The following STAU2 variants were observed in gnomAD, a reference collection of about 807,000 sequenced individuals.
STAU2 encodes the protein staufen double-stranded RNA binding protein 2, also known as double-stranded RNA-binding protein Staufen homolog 2.
In STAU2, 20 loss-of-function variants were observed where a neutral mutation model predicts 65.9. That is an observed-to-expected ratio of 0.30 (90% CI 0.21 to 0.44). The LOEUF (loss-of-function observed/expected upper bound fraction) is 0.44. STAU2 is among the 20% of genes least tolerant of loss of function. The pLI is 1.00. For missense variants in STAU2, 558 were observed against 683.9 expected (o/e 0.82, Z 2.05); for synonymous variants, 232 against 233.9 (o/e 0.99, Z 0.07).
At chr8:73,635,669 T>G (rs1441199453) in intron 6 of STAU2, among the ~76,000 whole-genome samples, 1 of 151,632 alleles carries the variant, frequency 6.6e-6, no homozygotes, top group Non-Finnish European at 1.5e-5. Context: ...TATTAAAAAT[T>G]TAAAAATTAG....
At position 73,655,940 on chromosome 8, in the gene STAU2, G is replaced by A. The variant is rs560935765; in HGVS notation, c.410+17167C>T. Among the ~76,000 whole-genome samples, 24 of 151,310 alleles carry A rather than the reference G, an allele frequency of 1.6e-4. No individual in the cohort carries two copies. The South Asian group carries it at 3.6e-3, about 23-fold the overall frequency. Reference sequence around the variant, plus strand: ...TGGGATTACAGGCATGAGCCACTGCGCTGGGCTAATTTTTTTGTATTTTTA... The same window carrying A: ...TGGGATTACAGGCATGAGCCACTGCACTGGGCTAATTTTTTTGTATTTTTA... On this transcript the variant is annotated intron_variant, in intron 6 of 14. Coordinates refer to ENST00000524300, the MANE Select transcript of STAU2 (RefSeq NM_001164380.2).
In STAU2 at chr8:73,715,123, T is replaced by C. The variant is rs142853966; in HGVS notation, c.-17-5961A>G. 1.6e-4 allele frequency among the ~76,000 whole-genome samples: 24 copies of C among 148,264 alleles called. No homozygotes were observed. In the East Asian group the frequency reaches 4.1e-3, roughly 26 times the overall value. On this transcript the variant is annotated intron_variant, in intron 3 of 14. Transcript: ENST00000524300. The stretch of plus-strand genomic sequence containing the variant: ...AGTGAAGACAAACTGTTAACATTCA[T>C]AAAATAAAAAGATACTATAAATCAA...
chr8:73,432,702 T>G (rs1254405264), intron 13 of STAU2, among the ~76,000 whole-genome samples: 1 of 152,238 alleles, frequency 6.6e-6, no homozygotes, highest in Non-Finnish European at 1.5e-5. Context: ...CTTGCTGCCC[T>G]GTTTTCTAAT....
chr8:73,617,892 T>C (rs1812952213), intron 6 of STAU2, among the ~76,000 whole-genome samples: 1 of 152,140 alleles, frequency 6.6e-6, no homozygotes, highest in Non-Finnish European at 1.5e-5. Context: ...CCGACTACAA[T>C]GCAAAGTAAT....
At position 73,504,724 on chromosome 8, in the gene STAU2, C is replaced by A. The variant is rs564551700; in HGVS notation, c.1530+47288G>T. On this transcript the variant is annotated intron_variant, in intron 13 of 14. Coordinates refer to ENST00000524300, the MANE Select transcript of STAU2 (RefSeq NM_001164380.2). ...TGATCAGCTGATTTGAAAAAAAAAACAAAACTTGTTTTTCCTAGTGAGGAT... is the reference window on the plus strand; with the variant it reads ...TGATCAGCTGATTTGAAAAAAAAAAAAAAACTTGTTTTTCCTAGTGAGGAT... Among the ~76,000 whole-genome samples the A allele has an allele frequency of 1.5e-3, 232 of 150,668 alleles. 4 individuals carry two copies. In the East Asian group the frequency reaches 0.02, roughly 13 times the overall value.
intron 6 of STAU2, among the ~76,000 whole-genome samples, chr8:73,657,795 C>G (rs1324316787): frequency 6.6e-6 from 1 of 151,996 alleles, no homozygotes; most frequent in Non-Finnish European, 1.5e-5. Context: ...AGGCAGATCA[C>G]CTGAGGTCAG....
At chr8:73,704,989 T>C (rs992073998) in intron 4 of STAU2, among the ~76,000 whole-genome samples, 1 of 152,194 alleles carries the variant, frequency 6.6e-6, no homozygotes, top group Non-Finnish European at 1.5e-5. Flanking sequence ...TAATGAATGT[T>C]ATGAGACAAA....
intron 13 of STAU2, among the ~76,000 whole-genome samples, chr8:73,487,210 T>C (rs1820962681): frequency 6.6e-6 from 1 of 151,962 alleles, no homozygotes; most frequent in South Asian, 2.1e-4. Flanking sequence ...GTTAGGAAAA[T>C]GATGCAAAGA....
intron 6 of STAU2, chr8:73,669,164 T>C (rs1353471712): frequency 1.9e-5 from 13 of 697,930 alleles, no homozygotes; most frequent in South Asian, 1.5e-4. Flanking sequence ...TACTGAGTAA[T>C]GGTTAGGTCT....
chr8:73,443,643 G>A (rs1019522273), intron 13 of STAU2, among the ~76,000 whole-genome samples: 1 of 152,158 alleles, frequency 6.6e-6, no homozygotes, highest in African/African-American at 2.4e-5. Flanking sequence ...CTTGAGGCCA[G>A]GAGTTTGAGA....
chr8:73,433,950 G>C (rs1817508848), intron 13 of STAU2, among the ~76,000 whole-genome samples: 1 of 151,864 alleles, frequency 6.6e-6, no homozygotes, highest in Non-Finnish European at 1.5e-5. Flanking sequence ...CGCCCCAGAT[G>C]CCCACGTCCT....
At chr8:73,714,782 T>G (rs1432321427) in intron 3 of STAU2, among the ~76,000 whole-genome samples, 1 of 151,998 alleles carries the variant, frequency 6.6e-6, no homozygotes, top group Admixed American at 6.6e-5. Flanking sequence ...GAAGAAATAC[T>G]TGCAATATGT....
chr8:73,553,156 G>C (rs1807460122), intron 12 of STAU2, among the ~76,000 whole-genome samples: 1 of 152,202 alleles, frequency 6.6e-6, no homozygotes, highest in African/African-American at 2.4e-5. Flanking sequence ...ATTTGTCTCA[G>C]AGAAGTTTCA....
At chr8:73,643,356 C>T (rs1815134169) in intron 6 of STAU2, among the ~76,000 whole-genome samples, 1 of 152,144 alleles carries the variant, frequency 6.6e-6, no homozygotes, top group African/African-American at 2.4e-5. Flanking sequence ...TACACACATA[C>T]AAGAAGGAAA....
At chr8:73,473,129 T>C (rs1397788966) in intron 13 of STAU2, among the ~76,000 whole-genome samples, 1 of 152,190 alleles carries the variant, frequency 6.6e-6, no homozygotes, top group Non-Finnish European at 1.5e-5. Flanking sequence ...TAGTGAATTA[T>C]AGCATTCATA....
chr8:73,501,075 T>A (rs1821726224), intron 13 of STAU2, among the ~76,000 whole-genome samples: 2 of 151,926 alleles, frequency 1.3e-5, no homozygotes. Flanking sequence ...GTACAATAGA[T>A]GTCTTCTGCA....
chr8:73,591,230 T>C (rs1304165066), intron 11 of STAU2, among the ~76,000 whole-genome samples: 4 of 151,762 alleles, frequency 2.6e-5, no homozygotes, highest in African/African-American at 9.7e-5. Flanking sequence ...AAAACTAAAA[T>C]GTATAGCCAC....
chr8:73,513,081 T>C (rs1421248527), intron 13 of STAU2, among the ~76,000 whole-genome samples: 1 of 152,188 alleles, frequency 6.6e-6, no homozygotes, highest in African/African-American at 2.4e-5. Context: ...CCCTTTTCTT[T>C]CTTTAAATAT....
Position 73,659,494 on chromosome 8 carries a change from G to A in STAU2, c.410+13613C>T, listed in dbSNP as rs182928501. Reference sequence around the variant, plus strand: ...GGAGGTTGCAGTGAGCTGAGATCGCGCCATTGCACTCCAGCCTGGGCAACA... The same window carrying A: ...GGAGGTTGCAGTGAGCTGAGATCGCACCATTGCACTCCAGCCTGGGCAACA... On this transcript the variant is annotated intron_variant, in intron 6 of 14. Transcript: ENST00000524300. Among the ~76,000 whole-genome samples, 38 of 152,178 alleles carry A rather than the reference G, an allele frequency of 2.5e-4. No individual in the cohort carries two copies. In the East Asian group the frequency reaches 2.7e-3, roughly 11 times the overall value.
Sources: gnomAD v4.1 joint callset for allele counts (sites outside exome capture counted in the v4.1 genomes callset) on GRCh38, gnomAD v4.1.1 for gene constraint, MANE v1.5 for transcripts, NCBI Gene and HGNC (gene_info 2026-07-23, HGNC 2026-07-21) for gene names.